TENM3: variants seen among roughly 807,000 people sequenced by gnomAD.
TENM3 encodes teneurin transmembrane protein 3, also known as teneurin-3.
A neutral mutation model predicts 255.1 loss-of-function variants in TENM3; 63 were observed. That is an observed-to-expected ratio of 0.25 (90% CI 0.20 to 0.30). TENM3 has a LOEUF of 0.30. Among genes scored for constraint, TENM3 ranks in the 10% least tolerant of loss-of-function variants. The pLI is 1.00. For synonymous variants in TENM3, 1,306 were observed against 1,322.3 expected (o/e 0.99, Z 0.27); for missense variants, 2,929 against 3,461.1 (o/e 0.85, Z 3.86).
intron 1 of TENM3, among the ~76,000 whole-genome samples, chr4:182,316,524 G>C (rs561686929): frequency 1.3e-5 from 2 of 152,196 alleles, no homozygotes; most frequent in South Asian, 2.1e-4. Flanking sequence ...CATGACTGGG[G>C]CTGCTCCTGG....
chr4:182,371,694 T>A (rs1766827973), intron 3 of TENM3, among the ~76,000 whole-genome samples: 1 of 152,188 alleles, frequency 6.6e-6, no homozygotes, highest in Admixed American at 6.5e-5. Flanking sequence ...TCGCACGGTC[T>A]TGTCTCGTTT....
the TENM3 span, among the ~76,000 whole-genome samples, chr4:182,006,681 T>C: frequency 6.6e-6 from 1 of 152,110 alleles, no homozygotes; most frequent in Non-Finnish European, 1.5e-5. Flanking sequence ...AAAAAACAGC[T>C]CCTGGATGCA....
the TENM3 span, among the ~76,000 whole-genome samples, chr4:181,911,375 TC>T: frequency 6.6e-6 from 1 of 152,198 alleles, no homozygotes; most frequent in Non-Finnish European, 1.5e-5. Context: ...GTTGTTTTTT[TC>T]CCCCACAGAC....
At chr4:182,084,192 T>G in the TENM3 span, among the ~76,000 whole-genome samples, 1 of 152,018 alleles carries the variant, frequency 6.6e-6, no homozygotes, top group Non-Finnish European at 1.5e-5. Context: ...AGCTGCTTGC[T>G]GGGGGGAAAA....
chr4:181,511,668 C>T, the TENM3 span, among the ~76,000 whole-genome samples: 2 of 152,086 alleles, frequency 1.3e-5, no homozygotes, highest in Non-Finnish European at 2.9e-5. Context: ...ATTTACTTGC[C>T]TACATGACAA....
the TENM3 span, among the ~76,000 whole-genome samples, chr4:181,746,818 A>G: frequency 6.6e-6 from 1 of 151,034 alleles, no homozygotes; most frequent in African/African-American, 2.4e-5. Flanking sequence ...CTCCCTGTTT[A>G]CTTTTGATGT....
intron 3 of TENM3, among the ~76,000 whole-genome samples, chr4:182,396,912 A>C (rs1768863144): frequency 6.6e-6 from 1 of 151,992 alleles, no homozygotes; most frequent in Non-Finnish European, 1.5e-5. Flanking sequence ...CAGTGAGCTG[A>C]AATCGCACCA....
chr4:181,579,773 C>G, the TENM3 span, among the ~76,000 whole-genome samples: 2 of 151,918 alleles, frequency 1.3e-5, no homozygotes, highest in African/African-American at 4.8e-5. Context: ...GTAGCTTTTT[C>G]CTATAGACCA....
the TENM3 span, among the ~76,000 whole-genome samples, chr4:181,484,749 C>G: frequency 6.6e-6 from 1 of 151,906 alleles, no homozygotes; most frequent in Non-Finnish European, 1.5e-5. Flanking sequence ...TTACATGTAG[C>G]CTAACAGATG....
chr4:182,092,408 G>A, the TENM3 span, among the ~76,000 whole-genome samples: 3 of 152,194 alleles, frequency 2.0e-5, no homozygotes, highest in Non-Finnish European at 2.9e-5. Context: ...AGAGCTTTGG[G>A]AGGCCAAGGT....
chr4:181,986,896 T>A, the TENM3 span, among the ~76,000 whole-genome samples: 1 of 152,118 alleles, frequency 6.6e-6, no homozygotes, highest in East Asian at 1.9e-4. Flanking sequence ...GAAAAAATGC[T>A]ATAAAGAAAT....
intron 3 of TENM3, among the ~76,000 whole-genome samples, chr4:182,591,171 C>G (rs1746602765): frequency 6.6e-6 from 1 of 151,284 alleles, no homozygotes; most frequent in African/African-American, 2.4e-5. Flanking sequence ...TTTTATATAG[C>G]AAGGAAGTTG....
chr4:181,906,775 G>A, the TENM3 span, among the ~76,000 whole-genome samples: 1 of 152,188 alleles, frequency 6.6e-6, no homozygotes, highest in East Asian at 1.9e-4. Flanking sequence ...TGGAACTCCT[G>A]AGCCCAAGCG....
At chr4:181,482,948 T>C in the TENM3 span, among the ~76,000 whole-genome samples, 27 of 152,244 alleles carry the variant, frequency 1.8e-4, no homozygotes, top group South Asian at 5.6e-3. Flanking sequence ...CATTCCACCT[T>C]TTGTGCCACG....
the TENM3 span, among the ~76,000 whole-genome samples, chr4:181,851,046 C>G: frequency 5.3e-5 from 8 of 152,124 alleles, no homozygotes; most frequent in Non-Finnish European, 7.4e-5. Context: ...TCAGGTCACT[C>G]TGGTCCAAGT....
chr4:182,795,236 A>C (rs1208275458), intron 26 of TENM3, among the ~76,000 whole-genome samples: 78 of 152,042 alleles, frequency 5.1e-4, no homozygotes, highest in Admixed American at 5.1e-3. Flanking sequence ...AGGGTTTTTC[A>C]ATACACATCT....
At position 182,679,687 on chromosome 4, in the gene TENM3, G is replaced by T; in HGVS notation, c.1348G>T (p.Asp450Tyr). The T allele has an allele frequency of 6.2e-7, 1 of 1,612,866 alleles. No homozygotes were observed. Residue 450 changes from aspartate to tyrosine, a missense_variant, in exon 8 of 28, where the codon GAT (aspartate) becomes TAT (tyrosine). Coordinates refer to ENST00000511685, the MANE Select transcript of TENM3 (RefSeq NM_001080477.4). ...HTQYDFVELL[D>Y]GSRLIAREQR... ...CCAGTATGACTTCGTGGAGCTCCTG[G>T]ATGGCAGCAGGCTGATTGCCAGAGA...
chr4:181,591,726 A>C, the TENM3 span, among the ~76,000 whole-genome samples: 2 of 152,220 alleles, frequency 1.3e-5, no homozygotes, highest in African/African-American at 4.8e-5. Flanking sequence ...CAAGGGATCC[A>C]GGTTGCACAC....
the TENM3 span, chr4:181,820,412 C>G: frequency 2.6e-5 from 4 of 151,828 alleles, no homozygotes; most frequent in African/African-American, 9.7e-5. Context: ...AGATTAAGTA[C>G]AAGAAACTTT....
Sources: allele counts gnomAD v4.1 joint callset (sites outside exome capture counted in the v4.1 genomes callset), GRCh38; gene constraint gnomAD v4.1.1; transcripts MANE v1.5; gene names NCBI Gene and HGNC (gene_info 2026-07-23, HGNC 2026-07-21).